LRRC4C: variants seen among roughly 807,000 people sequenced by gnomAD.
LRRC4C encodes leucine-rich repeat-containing protein 4C.
A neutral mutation model predicts 33.6 loss-of-function variants in LRRC4C; 5 were observed. The observed-to-expected ratio is 0.15, with a 90% CI of 0.08 to 0.31. LRRC4C has a LOEUF of 0.31. LRRC4C is among the 10% of genes least tolerant of loss of function. The probability of loss-of-function intolerance (pLI) is 1.00; values close to 1 mark genes in which losing one functional copy is unlikely to be tolerated. For synonymous variants in LRRC4C, 329 were observed against 302.0 expected (o/e 1.09, Z -0.93); for missense variants, 560 against 796.7 (o/e 0.70, Z 3.58).
At chr11:40,491,167 C>T (rs537068222) in intron 3 of LRRC4C, among the ~76,000 whole-genome samples, 1 of 152,100 alleles carries the variant, frequency 6.6e-6, no homozygotes. Flanking sequence ...CACCTGTAAC[C>T]CCAGGTACTC....
chr11:40,578,948 C>A (rs1198234872), intron 3 of LRRC4C, among the ~76,000 whole-genome samples: 1 of 152,112 alleles, frequency 6.6e-6, no homozygotes, highest in South Asian at 2.1e-4. Context: ...TTACCCCAAA[C>A]CTATTGGCCA....
At chr11:41,188,958 G>A (rs945444118) in intron 1 of LRRC4C, among the ~76,000 whole-genome samples, 2 of 145,306 alleles carry the variant, frequency 1.4e-5, no homozygotes, top group African/African-American at 5.2e-5. Context: ...ACTAATAAAT[G>A]ATTCTTATTA....
chr11:40,903,522 G>T (rs1956295302), intron 2 of LRRC4C, among the ~76,000 whole-genome samples: 1 of 152,134 alleles, frequency 6.6e-6, no homozygotes, highest in Non-Finnish European at 1.5e-5. Flanking sequence ...TGATTTATCT[G>T]GTGGATGTAA....
At chr11:41,446,060 T>C (rs1337408643) in intron 1 of LRRC4C, among the ~76,000 whole-genome samples, 2 of 152,176 alleles carry the variant, frequency 1.3e-5, no homozygotes, top group Non-Finnish European at 2.9e-5. Flanking sequence ...ATAATAACGT[T>C]AAAACAAGTG....
At chr11:41,070,473 A>G (rs575407257) in intron 1 of LRRC4C, among the ~76,000 whole-genome samples, 2 of 152,308 alleles carry the variant, frequency 1.3e-5, no homozygotes, top group African/African-American at 4.8e-5. Flanking sequence ...CACCAGAATG[A>G]AAAGGCAATC....
intron 4 of LRRC4C, among the ~76,000 whole-genome samples, chr11:40,303,919 A>T (rs1944903251): frequency 6.6e-6 from 1 of 152,238 alleles, no homozygotes. Context: ...ACCTTTCATA[A>T]ACCAATTGTC....
intron 1 of LRRC4C, among the ~76,000 whole-genome samples, chr11:41,202,878 C>T (rs761226363): frequency 4.6e-5 from 7 of 151,930 alleles, no homozygotes; most frequent in Non-Finnish European, 8.8e-5. Flanking sequence ...CTCCGCCTCC[C>T]GGGTCCAAGC....
chr11:40,225,545 T>C (rs924984151), intron 5 of LRRC4C, among the ~76,000 whole-genome samples: 1 of 152,094 alleles, frequency 6.6e-6, no homozygotes, highest in Admixed American at 6.6e-5. Flanking sequence ...GTATAAACAC[T>C]TCCTTCCTCA....
intron 2 of LRRC4C, among the ~76,000 whole-genome samples, chr11:40,671,825 C>G (rs2136277863): frequency 6.6e-6 from 1 of 152,200 alleles, no homozygotes; most frequent in South Asian, 2.1e-4. Context: ...GTGCCTATCA[C>G]TATCTAAGAT....
At chr11:40,181,703 T>C (rs907330287) in intron 5 of LRRC4C, among the ~76,000 whole-genome samples, 10 of 152,322 alleles carry the variant, frequency 6.6e-5, no homozygotes, top group African/African-American at 2.4e-4. Flanking sequence ...AGCAAATCCA[T>C]TTCTGGTCCA....
At chr11:40,682,389 A>C (rs1944734884) in intron 2 of LRRC4C, among the ~76,000 whole-genome samples, 1 of 152,156 alleles carries the variant, frequency 6.6e-6, no homozygotes, top group South Asian at 2.1e-4. Flanking sequence ...GCCTTATAAA[A>C]ATTTGTCAAG....
At chr11:40,211,484 A>G (rs937795315) in intron 5 of LRRC4C, among the ~76,000 whole-genome samples, 3 of 152,264 alleles carry the variant, frequency 2.0e-5, no homozygotes, top group Non-Finnish European at 4.4e-5. Flanking sequence ...CAAAAGAAGT[A>G]ACTATATCTA....
intron 2 of LRRC4C, among the ~76,000 whole-genome samples, chr11:40,918,279 T>C (rs1160915648): frequency 6.6e-6 from 1 of 152,114 alleles, no homozygotes; most frequent in Non-Finnish European, 1.5e-5. Flanking sequence ...TTTAAAGTAA[T>C]GCTAATATGT....
intron 1 of LRRC4C, among the ~76,000 whole-genome samples, chr11:40,964,279 C>A (rs1430302319): frequency 1.3e-5 from 2 of 150,814 alleles, no homozygotes; most frequent in African/African-American, 4.9e-5. Flanking sequence ...CTGCAAGTGG[C>A]AGAAAAAAAC....
chr11:40,867,119 A>G (rs904902082), intron 2 of LRRC4C, among the ~76,000 whole-genome samples: 6 of 152,086 alleles, frequency 3.9e-5, no homozygotes, highest in African/African-American at 1.4e-4. Flanking sequence ...TTAATCACTT[A>G]TTTTGCTTTC....
chr11:40,218,631 TATG>T (rs772348661), intron 5 of LRRC4C, among the ~76,000 whole-genome samples: 10,171 of 145,030 alleles, frequency 0.07, 742 homozygotes, highest in African/African-American at 0.14. Flanking sequence ...TGTATGTATG[TATG>T]TATCTATTTA....
chr11:40,408,971 T>C (rs188197864), intron 3 of LRRC4C, among the ~76,000 whole-genome samples: 1 of 151,966 alleles, frequency 6.6e-6, no homozygotes, highest in Admixed American at 6.6e-5. Flanking sequence ...GCAAATAAAG[T>C]GAAGCTGAAA....
intron 5 of LRRC4C, among the ~76,000 whole-genome samples, chr11:40,196,395 A>C (rs1008156479): frequency 1.3e-5 from 2 of 152,222 alleles, no homozygotes; most frequent in Non-Finnish European, 2.9e-5. Flanking sequence ...CTAGGGAAGG[A>C]AGTAAATGGG....
rs371461809 is a variant in LRRC4C at position 40,122,952 on chromosome 11, T to TACACACACACACACAC, written c.-42-6634_-42-6619dup. Among the ~76,000 whole-genome samples, 25 of 140,402 alleles carry TACACACACACACACAC rather than the reference T, an allele frequency of 1.8e-4. No homozygotes were observed. In the East Asian group the frequency reaches 3.5e-3, roughly 20 times the overall value. The allele number at this position is 140,402 out of a possible 152,430, so 92.1% of individuals were successfully genotyped here. On this transcript the variant is annotated intron_variant, in intron 6 of 6. Transcript: ENST00000528697. ...AAGTGTATGTGTATATATATATTTA[T>TACACACACACACACAC]ACACACACACACACACACACACACA... is the stretch of plus-strand genomic sequence containing the variant.
Sources: allele counts gnomAD v4.1 joint callset (sites outside exome capture counted in the v4.1 genomes callset), GRCh38; gene constraint gnomAD v4.1.1; transcripts MANE v1.5; gene names NCBI Gene and HGNC (gene_info 2026-07-23, HGNC 2026-07-21).